Variants in KCNIP4 observed in about 807,000 individuals in gnomAD.
KCNIP4 encodes Kv channel-interacting protein 4.
A neutral mutation model predicts 34.0 loss-of-function variants in KCNIP4; 12 were observed. The observed-to-expected ratio is 0.35, with a 90% CI of 0.23 to 0.57. KCNIP4 has a LOEUF of 0.57. Ranked by LOEUF, KCNIP4 falls within the 20% of genes least tolerant of loss-of-function variation. The probability of loss-of-function intolerance (pLI) is 0.83; values close to 1 mark genes in which losing one functional copy is unlikely to be tolerated. For missense variants in KCNIP4, 238 were observed against 311.7 expected (o/e 0.76, Z 1.78); for synonymous variants, 124 against 102.2 (o/e 1.21, Z -1.29).
intron 1 of KCNIP4, among the ~76,000 whole-genome samples, chr4:21,430,333 G>A (rs1344726616): frequency 1.3e-5 from 2 of 151,408 alleles, no homozygotes; most frequent in South Asian, 2.1e-4. Context: ...CAAAGAGAAG[G>A]TAAAAAGAAG....
At chr4:21,937,139 T>C (rs918914951) in intron 1 of KCNIP4, among the ~76,000 whole-genome samples, 5 of 152,156 alleles carry the variant, frequency 3.3e-5, no homozygotes, top group Non-Finnish European at 1.5e-5. Context: ...AAATGTGTGC[T>C]TCTCTGAAAT....
chr4:21,877,836 C>CA, intron 1 of KCNIP4, among the ~76,000 whole-genome samples: 1 of 152,284 alleles, frequency 6.6e-6, no homozygotes, highest in South Asian at 2.1e-4. Context: ...CTTGGTCCAG[C>CA]AAAAACCTAG....
At chr4:21,043,066 A>G (rs1387686286) in intron 1 of KCNIP4, among the ~76,000 whole-genome samples, 1 of 152,166 alleles carries the variant, frequency 6.6e-6, no homozygotes, top group Non-Finnish European at 1.5e-5. Context: ...GGAACATTCC[A>G]TGTATTTCCC....
chr4:21,223,767 G>T (rs575573166), intron 1 of KCNIP4, among the ~76,000 whole-genome samples: 1 of 152,022 alleles, frequency 6.6e-6, no homozygotes, highest in Non-Finnish European at 1.5e-5. Flanking sequence ...TTCTTACTTA[G>T]TTGATGAATA....
At chr4:21,828,800 T>C (rs1722815370) in intron 1 of KCNIP4, among the ~76,000 whole-genome samples, 1 of 152,080 alleles carries the variant, frequency 6.6e-6, no homozygotes, top group Admixed American at 6.6e-5. Flanking sequence ...ATAAAATTTC[T>C]GACAAATGCC....
chr4:20,833,439 T>C (rs961937365), intron 3 of KCNIP4, among the ~76,000 whole-genome samples: 1 of 151,864 alleles, frequency 6.6e-6, no homozygotes, highest in Non-Finnish European at 1.5e-5. Flanking sequence ...GCGCCGACAT[T>C]GTGCCACTGC....
At chr4:21,409,570 A>T (rs978691161) in intron 1 of KCNIP4, among the ~76,000 whole-genome samples, 1 of 152,238 alleles carries the variant, frequency 6.6e-6, no homozygotes, top group African/African-American at 2.4e-5. Flanking sequence ...ATAATATGTT[A>T]TTAGAAATGT....
chr4:21,121,657 T>C (rs373173098), intron 1 of KCNIP4, among the ~76,000 whole-genome samples: 1 of 152,148 alleles, frequency 6.6e-6, no homozygotes, highest in Admixed American at 6.5e-5. Flanking sequence ...ATATTTCTCA[T>C]TGGTAAAATA....
intron 1 of KCNIP4, among the ~76,000 whole-genome samples, chr4:21,817,827 T>A (rs1270656247): frequency 2.6e-5 from 4 of 152,178 alleles, no homozygotes; most frequent in African/African-American, 9.7e-5. Context: ...TTGTTTAAGA[T>A]GTTTATCAAG....
chr4:21,401,601 T>G (rs974042349), intron 1 of KCNIP4, among the ~76,000 whole-genome samples: 2 of 152,214 alleles, frequency 1.3e-5, no homozygotes, highest in African/African-American at 4.8e-5. Flanking sequence ...TTCAGATTCT[T>G]AAAACACTTG....
chr4:21,511,693 T>A (rs1443311507), intron 1 of KCNIP4, among the ~76,000 whole-genome samples: 1 of 151,988 alleles, frequency 6.6e-6, no homozygotes, highest in East Asian at 1.9e-4. Context: ...GAGAATGAGA[T>A]TTCTGACTTT....
intron 1 of KCNIP4, among the ~76,000 whole-genome samples, chr4:21,209,580 T>C (rs538878378): frequency 2.0e-5 from 3 of 152,224 alleles, no homozygotes; most frequent in Non-Finnish European, 2.9e-5. Context: ...TTTCTTTTAT[T>C]ATTCTCTAGG....
At chr4:21,220,015 G>A (rs1757869326) in intron 1 of KCNIP4, among the ~76,000 whole-genome samples, 1 of 152,166 alleles carries the variant, frequency 6.6e-6, no homozygotes, top group African/African-American at 2.4e-5. Context: ...TGCAAAAGGA[G>A]ATGTTATGAA....
chr4:21,493,390 G>A (rs1056993460), intron 1 of KCNIP4, among the ~76,000 whole-genome samples: 1 of 151,040 alleles, frequency 6.6e-6, no homozygotes, highest in African/African-American at 2.4e-5. Context: ...AGGAACTTCA[G>A]CTACTGCATT....
chr4:21,043,423 G>A lies in KCNIP4; in HGVS notation c.62-160714C>T, dbSNP rs79271373. Among the ~76,000 whole-genome samples, 35 of 152,172 alleles carry A rather than the reference G, an allele frequency of 2.3e-4. No individual in the cohort carries two copies. The East Asian group carries it at 2.5e-3, about 11-fold the overall frequency. On this transcript the variant is annotated intron_variant, in intron 1 of 8. Transcript: ENST00000382152. Reference sequence around the variant, plus strand: ...CAACACACTGCAACATCTGCCTCCCGGGTTCAAGCAATTCTCCCACCTCAG... The same window carrying A: ...CAACACACTGCAACATCTGCCTCCCAGGTTCAAGCAATTCTCCCACCTCAG...
intron 3 of KCNIP4, among the ~76,000 whole-genome samples, chr4:20,823,488 G>A (rs999898474): frequency 6.6e-6 from 1 of 152,078 alleles, no homozygotes; most frequent in Non-Finnish European, 1.5e-5. Flanking sequence ...TATGAAGTGG[G>A]ACCTTTGGGA....
At chr4:21,142,727 G>A (rs1405280628) in intron 1 of KCNIP4, among the ~76,000 whole-genome samples, 1 of 152,062 alleles carries the variant, frequency 6.6e-6, no homozygotes, top group African/African-American at 2.4e-5. Flanking sequence ...TTGGGTGTTG[G>A]ACTCCCAAGA....
intron 1 of KCNIP4, among the ~76,000 whole-genome samples, chr4:21,220,622 G>T (rs568032400): frequency 1.7e-4 from 26 of 151,888 alleles, no homozygotes; most frequent in Non-Finnish European, 3.5e-4. Context: ...AGGAATTTAG[G>T]TTCAAAACTA....
intron 1 of KCNIP4, among the ~76,000 whole-genome samples, chr4:21,096,612 T>A (rs1250820093): frequency 2.0e-5 from 3 of 152,166 alleles, no homozygotes; most frequent in African/African-American, 7.2e-5. Context: ...AAGTTGGTTC[T>A]TCGAGAATTA....
Sources: allele counts gnomAD v4.1 joint callset (sites outside exome capture counted in the v4.1 genomes callset), GRCh38; gene constraint gnomAD v4.1.1; transcripts MANE v1.5; gene names NCBI Gene and HGNC (gene_info 2026-07-23, HGNC 2026-07-21).